The following CTR9 variants were observed in gnomAD, a reference collection of about 807,000 sequenced individuals.
CTR9 encodes RNA polymerase-associated protein CTR9 homolog.
A neutral mutation model predicts 152.1 loss-of-function variants in CTR9; 41 were observed. The observed-to-expected ratio is 0.27, with a 90% CI of 0.21 to 0.35. The LOEUF (loss-of-function observed/expected upper bound fraction) is 0.35, where lower values mean the gene tolerates loss of function less well. Ranked by LOEUF, CTR9 falls within the 10% of genes least tolerant of loss-of-function variation. CTR9 has a pLI of 1.00. For missense variants in CTR9, 917 were observed against 1,424.4 expected, an observed-to-expected ratio of 0.64 and a Z score of 5.73; for synonymous variants, 476 against 496.2, an observed-to-expected ratio of 0.96 and a Z score of 0.54.
chr11:10,774,180 C>T lies in CTR9; in HGVS notation c.2885+11C>T. The T allele has an allele frequency of 2.5e-6, 4 of 1,601,176 alleles. No individual in the cohort carries two copies. Among genetic ancestry groups the T allele is most frequent in the Middle Eastern group, 1.7e-4 (1 of 5,836 alleles). The stretch of plus-strand genomic sequence containing the variant: ...GAAAAAGAGGAGAAGGTAATGTCAT[C>T]ATTAATGTGCTTTAAGTAACCTCAT... On this transcript the variant is annotated intron_variant, in intron 22 of 24. Coordinates refer to ENST00000361367, the MANE Select transcript of CTR9 (RefSeq NM_014633.5).
intron 3 of CTR9, 73 bp from the exon 4 acceptor site, chr11:10,755,605 T>C (rs1254871654): frequency 3.4e-6 from 3 of 891,028 alleles, no homozygotes; most frequent in Non-Finnish European, 5.4e-6. Context: ...CTCCTTCCTA[T>C]TTGGTTTTCA....
intron 24 of CTR9, among the ~76,000 whole-genome samples, chr11:10,776,018 T>C (rs544816856): frequency 1.5e-4 from 23 of 152,196 alleles, no homozygotes; most frequent in Non-Finnish European, 3.1e-4. Flanking sequence ...ACACTAAAAG[T>C]GTTACAGATA....
chr11:10,772,700 C>T (rs1355712123), intron 20 of CTR9, 45 bp downstream of exon 20: 3 of 1,507,286 alleles, frequency 2.0e-6, no homozygotes, highest in Non-Finnish European at 2.7e-6. Flanking sequence ...GAATTGTGTG[C>T]ATGCATACAC....
chr11:10,770,165 T>C (rs1168576069), intron 16 of CTR9, 45 bp from the exon 17 acceptor site: 2 of 1,366,496 alleles, frequency 1.5e-6, no homozygotes, highest in East Asian at 4.6e-5. Flanking sequence ...GAAAATGTCA[T>C]TTATTCTTTG....
chr11:10,751,781 A>G (rs1166224474), intron 1 of CTR9, among the ~76,000 whole-genome samples: 1 of 152,094 alleles, frequency 6.6e-6, no homozygotes, highest in Non-Finnish European at 1.5e-5. Flanking sequence ...AAACTGTAAA[A>G]CACCTCGCAG....
Position 10,760,265 on chromosome 11 carries a change from T to C in CTR9, c.685T>C (p.Ser229Pro). The change falls in exon 6 of 25, where the codon TCC becomes CCC. Residue 229 changes from serine to proline, a missense_variant. This residue lies in a region of CTR9 where 110 missense variants were observed against 149.5 expected (regional missense o/e 0.74). Coordinates refer to ENST00000361367, the MANE Select transcript of CTR9 (RefSeq NM_014633.5). The part of the protein sequence containing the change: ...LAFSRALELN[S>P]KCVGALVGLA... ...ATTCAGCAGAGCCCTGGAACTCAAT[T>C]CCAAATGCGTGGGAGCATTGGTTGG... 6.2e-7 allele frequency: 1 copy of C among 1,614,070 alleles called. No individual in the cohort carries two copies. Among genetic ancestry groups the C allele is most frequent in the Non-Finnish European group, 8.5e-7 (1 of 1,179,964 alleles).
intron 5 of CTR9, 36 bp downstream of exon 5, chr11:10,756,874 T>A (rs2135358250): frequency 7.8e-7 from 1 of 1,284,772 alleles, no homozygotes; most frequent in East Asian, 2.3e-5. Context: ...CTAAACTGTG[T>A]ATTACCCAGC....
intron 23 of CTR9, 44 bp downstream of exon 23, chr11:10,775,347 A>G: frequency 1.3e-6 from 2 of 1,539,754 alleles, no homozygotes; most frequent in Non-Finnish European, 1.8e-6. Context: ...AGTAGATGTG[A>G]AAGATTGCAG....
Position 10,751,444 on chromosome 11 carries a change from G to A in CTR9, c.32G>A (p.Arg11Gln), listed in dbSNP as rs1231350897. 2 of 1,613,298 alleles carry A rather than the reference G, an allele frequency of 1.2e-6. No homozygotes were observed. The highest frequency in any genetic ancestry group is 1.7e-5 in the Admixed American group (1 of 60,024). ...CGGGGCTCCATCGAGATTCCCCTCC[G>A]GGACACTGACGAGGTAAGTGTCGTG... MSRGSIEIPLRDTDEVIELDF... is the reference protein window; with the variant it reads MSRGSIEIPLQDTDEVIELDF... Residue 11 changes from arginine to glutamine, a missense_variant, in exon 1 of 25, where the codon CGG becomes CAG. By Grantham distance (43) the Arg-to-Gln change is conservative (BLOSUM62 1). Transcript: ENST00000361367.
intron 6 of CTR9, among the ~76,000 whole-genome samples, chr11:10,761,544 A>T (rs1862977885): frequency 6.6e-6 from 1 of 152,128 alleles, no homozygotes; most frequent in East Asian, 1.9e-4. Flanking sequence ...CAGGAGGTCA[A>T]GGCTGCAGTG....
Position 10,770,286 on chromosome 11 carries a change from A to G in CTR9, c.2186A>G (p.Lys729Arg), listed in dbSNP as rs1172410396. The G allele has an allele frequency of 1.2e-6, 2 of 1,614,060 alleles. No individual in the cohort carries two copies. Among genetic ancestry groups the G allele is most frequent in the South Asian group, 1.1e-5 (1 of 91,058 alleles). The change falls in exon 17 of 25, where the codon AAG becomes AGG. Residue 729 changes from lysine to arginine, a missense_variant. Around this residue, in one of 9 missense-constraint regions of CTR9, gnomAD observed 106 missense variants for 157.8 expected, o/e 0.67. Transcript: ENST00000361367. ...VVLYLARALF[K>R]CGKLQECKQT... The stretch of plus-strand genomic sequence containing the variant: ...CTCTATTTGGCCCGGGCCCTCTTCA[A>G]GTGTGGCAAGTTACAGGAATGCAAA...
chr11:10,754,914 G>A, intron 2 of CTR9, 44 bp from the exon 3 acceptor site: 1 of 1,566,570 alleles, frequency 6.4e-7, no homozygotes, highest in South Asian at 1.2e-5. Flanking sequence ...CTTTTTATAT[G>A]GACATATGCT....
chr11:10,760,331 T>A lies in CTR9; in HGVS notation c.741+10T>A. 1.2e-6 allele frequency: 2 copies of A among 1,604,518 alleles called. No individual in the cohort carries two copies. Among genetic ancestry groups the A allele is most frequent in the East Asian group, 2.2e-5 (1 of 44,734 alleles). On this transcript the variant is annotated intron_variant, in intron 6 of 24. Coordinates refer to ENST00000361367, the MANE Select transcript of CTR9 (RefSeq NM_014633.5). ...ACTCAACAATAAAGAGGTATGTAAA[T>A]GAAAAAAGTATCTAGCTCCTAACTG...
Position 10,775,637 on chromosome 11 carries a change from G to A in CTR9, c.3095+4G>A, listed in dbSNP as rs1021694407. ...AACTTAAAATTGCTGATGAAGGGTA[G>A]GATATTTTCTCTTTGTAAATTCTTC... is the stretch of plus-strand genomic sequence containing the variant. On this transcript the variant is annotated splice_donor_region_variant and intron_variant, in intron 24 of 24. Coordinates refer to ENST00000361367, the MANE Select transcript of CTR9 (RefSeq NM_014633.5). The A allele has an allele frequency of 8.2e-6, 13 of 1,577,520 alleles. No individual in the cohort carries two copies. In the Admixed American group the frequency reaches 8.4e-5, roughly 10 times the overall value.
At chr11:10,765,973 C>T (rs1320592942) in intron 12 of CTR9, among the ~76,000 whole-genome samples, 1 of 152,026 alleles carries the variant, frequency 6.6e-6, no homozygotes, top group African/African-American at 2.4e-5. Flanking sequence ...AATGGAAGAA[C>T]CCCAGTTAGA....
At chr11:10,753,436 A>C (rs756183003) in intron 2 of CTR9, among the ~76,000 whole-genome samples, 1 of 152,122 alleles carries the variant, frequency 6.6e-6, no homozygotes, top group Non-Finnish European at 1.5e-5. Flanking sequence ...TCATACAAAC[A>C]TACAGAAGAG....
chr11:10,756,182 C>T (rs1368199942), intron 4 of CTR9, among the ~76,000 whole-genome samples: 2 of 152,162 alleles, frequency 1.3e-5, no homozygotes, highest in East Asian at 1.9e-4. Context: ...ATTGGTTATA[C>T]ACTTCTGAAG....
chr11:10,761,555 A>T (rs1862978320), intron 6 of CTR9, among the ~76,000 whole-genome samples: 1 of 152,080 alleles, frequency 6.6e-6, no homozygotes, highest in Admixed American at 6.5e-5. Context: ...GGCTGCAGTG[A>T]GCTGTGTTCA....
chr11:10,771,211 T>A (rs1164619134), intron 18 of CTR9, among the ~76,000 whole-genome samples: 1 of 152,266 alleles, frequency 6.6e-6, no homozygotes, highest in Non-Finnish European at 1.5e-5. Flanking sequence ...TATTCTTGTT[T>A]AACAATTCTT....
Sources: allele counts gnomAD v4.1 joint callset (sites outside exome capture counted in the v4.1 genomes callset), GRCh38; gene constraint gnomAD v4.1.1; regional missense constraint gnomAD v4.1.1; transcripts MANE v1.5; gene names NCBI Gene and HGNC (gene_info 2026-07-23, HGNC 2026-07-21).